Variants in AXDND1 observed in about 807,000 individuals in gnomAD.
The protein encoded by AXDND1 is axonemal dynein light chain domain-containing protein 1.
AXDND1 carries 110 observed loss-of-function variants against 137.5 expected under a neutral mutation model. The observed-to-expected ratio is 0.80, with a 90% CI of 0.69 to 0.94. AXDND1 has a LOEUF of 0.94. Ranked by LOEUF, AXDND1 falls within the 40% of genes least tolerant of loss-of-function variation. AXDND1 has a pLI of 0.00. For missense variants in AXDND1, 1,191 were observed against 1,169.8 expected (o/e 1.02, Z -0.26); for synonymous variants, 414 against 399.7 (o/e 1.04, Z -0.43).
chr1:179,554,465 T>A (rs1304651303), intron 25 of AXDND1, 47 bp from the exon 26 acceptor site: 2 of 1,614,024 alleles, frequency 1.2e-6, no homozygotes, highest in Non-Finnish European at 1.7e-6. Context: ...GCTAGTTAAT[T>A]TCCTACCCAC....
intron 7 of AXDND1, among the ~76,000 whole-genome samples, 181 bp downstream of exon 7, chr1:179,382,937 A>G (rs756822173): frequency 6.6e-6 from 1 of 152,152 alleles, no homozygotes; most frequent in Non-Finnish European, 1.5e-5. Context: ...CAATGTTTAT[A>G]TATTTCATTT....
intron 16 of AXDND1, among the ~76,000 whole-genome samples, chr1:179,467,652 G>C (rs1045345088): frequency 6.6e-6 from 1 of 152,050 alleles, no homozygotes; most frequent in Non-Finnish European, 1.5e-5. Flanking sequence ...GTGTACAGTG[G>C]GCAGAGAAAA....
intron 20 of AXDND1, among the ~76,000 whole-genome samples, chr1:179,496,619 C>A (rs556304189): frequency 1.5e-4 from 23 of 151,992 alleles, no homozygotes; most frequent in African/African-American, 5.5e-4. Flanking sequence ...CAAAGATTGT[C>A]CAATTTTCTT....
intron 18 of AXDND1, among the ~76,000 whole-genome samples, chr1:179,484,840 A>G (rs1474733015): frequency 1.3e-5 from 2 of 152,196 alleles, no homozygotes; most frequent in Non-Finnish European, 2.9e-5. Context: ...GTATGCAAGG[A>G]GACCAGTGGC....
intron 25 of AXDND1, among the ~76,000 whole-genome samples, chr1:179,539,808 C>T (rs901829412): frequency 3.3e-5 from 5 of 152,154 alleles, no homozygotes; most frequent in East Asian, 1.9e-4. Flanking sequence ...CCATTCTCCC[C>T]GTCACTTTCG....
chr1:179,549,122 G>GA (rs899991086), intron 25 of AXDND1, among the ~76,000 whole-genome samples: 184 of 148,698 alleles, frequency 1.2e-3, no homozygotes, highest in Middle Eastern at 3.5e-3. Context: ...AAATTATCAG[G>GA]AAAAAAAAAA....
At chr1:179,387,249 T>C (rs1649364130) in intron 9 of AXDND1, among the ~76,000 whole-genome samples, 1 of 152,168 alleles carries the variant, frequency 6.6e-6, no homozygotes, top group African/African-American at 2.4e-5. Flanking sequence ...AGAGATTTAT[T>C]GGCTCACAGT....
chr1:179,464,754 A>G (rs934227097), intron 16 of AXDND1, among the ~76,000 whole-genome samples: 2 of 152,218 alleles, frequency 1.3e-5, no homozygotes, highest in Non-Finnish European at 2.9e-5. Context: ...AGATACACCA[A>G]TAGACGTAGA....
In AXDND1 at chr1:179,378,700, T is replaced by G. The variant is rs1178630453; in HGVS notation, c.438T>G (p.Cys146Trp). ...AKGQTREKAV[C>W]PPHLARSLQS... ...GACAGACTAGGGAGAAGGCAGTTTG[T>G]CCCCCACATTTGGCCCGTTCATTAC... The change falls in exon 5 of 26, where the codon TGT becomes TGG. Residue 146 changes from cysteine (C) to tryptophan (W), a missense_variant. Cys to Trp is a radical substitution (Grantham distance 215, BLOSUM62 -2). Coordinates refer to ENST00000367618, the MANE Select transcript of AXDND1 (RefSeq NM_144696.6). The G allele has an allele frequency of 6.3e-7, 1 of 1,597,620 alleles. No homozygotes were observed. The highest frequency in any genetic ancestry group is 1.7e-5 in the Admixed American group (1 of 59,138).
In AXDND1 at chr1:179,379,383, T is replaced by G. The variant is rs1289936066; in HGVS notation, c.496-14T>G. On this transcript the variant is annotated splice_polypyrimidine_tract_variant and intron_variant, in intron 5 of 25. Transcript: ENST00000367618. ...TATATTCATTCTTTTATTTTGCTTTTCTTTTCTTTTAAGCCAAAGACACTA... is the reference window on the plus strand; with the variant it reads ...TATATTCATTCTTTTATTTTGCTTTGCTTTTCTTTTAAGCCAAAGACACTA... The G allele has an allele frequency of 4.3e-6, 7 of 1,610,906 alleles. No individual in the cohort carries two copies. Among genetic ancestry groups the G allele is most frequent in the South Asian group, 1.1e-5 (1 of 90,734 alleles).
At chr1:179,488,634 C>CTTTTCTTTCTTTCTTTCTTTTT (rs376189496) in intron 18 of AXDND1, among the ~76,000 whole-genome samples, 1 of 105,172 alleles carries the variant, frequency 9.5e-6, no homozygotes, top group Non-Finnish European at 2.0e-5. Context: ...CTCTCTCTCT[C>CTTTTCTTTCTTTCTTTCTTTTT]CTTTCTTTCT....
intron 12 of AXDND1, among the ~76,000 whole-genome samples, chr1:179,420,405 T>C (rs1394311274): frequency 6.6e-6 from 1 of 152,126 alleles, no homozygotes; most frequent in Admixed American, 6.5e-5. Context: ...GTAGTTTTCT[T>C]TTTTTTGTTG....
chr1:179,406,245 A>C (rs1240062949), intron 11 of AXDND1, among the ~76,000 whole-genome samples: 1 of 152,186 alleles, frequency 6.6e-6, no homozygotes, highest in Non-Finnish European at 1.5e-5. Flanking sequence ...CAATTTTTAA[A>C]TATGTATTGA....
At chr1:179,543,355 GGAGAAGTTA>G (rs1238233652) in intron 25 of AXDND1, 2 of 152,166 alleles carry the variant, frequency 1.3e-5, no homozygotes, top group African/African-American at 4.8e-5. Context: ...AGTTGGGTGT[GGAGAAGTTA>G]CACTAACAGT....
chr1:179,391,412 GT>G (rs2125127484), intron 9 of AXDND1, among the ~76,000 whole-genome samples: 1 of 152,144 alleles, frequency 6.6e-6, no homozygotes, highest in East Asian at 1.9e-4. Context: ...ATCCCCACAT[GT>G]TGTGGAAGGG....
chr1:179,388,926 C>T (rs1377419533), intron 9 of AXDND1, among the ~76,000 whole-genome samples: 5 of 149,356 alleles, frequency 3.3e-5, no homozygotes, highest in Non-Finnish European at 4.5e-5. Context: ...TTTGTTTCCA[C>T]GTTTGTCTCA....
In AXDND1 at chr1:179,366,381, AATC is replaced by A; in HGVS notation, c.-106-22_-106-20del. The stretch of plus-strand genomic sequence containing the variant: ...GTTGTCATCTTTTTTTTTTTTTTTA[AATC>A]TTTTTTCCTCTGCCTGCAGGACTAT... On this transcript the variant is annotated intron_variant, in intron 1 of 25. Transcript: ENST00000367618. 1 of 584,466 alleles carries A rather than the reference AATC, an allele frequency of 1.7e-6. No individual in the cohort carries two copies. The highest frequency in any genetic ancestry group is 2.9e-6 in the Non-Finnish European group (1 of 346,740). The allele number at this position is 584,466 out of a possible 1,614,324, so 36.2% of individuals were successfully genotyped here. A position where few individuals can be genotyped will look rare whatever the true frequency, so the allele number is the denominator to read the frequency against.
intron 16 of AXDND1, chr1:179,454,690 G>A (rs1661043572): frequency 6.6e-6 from 1 of 152,122 alleles, no homozygotes; most frequent in Non-Finnish European, 1.5e-5. Context: ...TATGGGGAAG[G>A]GAGATTGTGT....
intron 4 of AXDND1, among the ~76,000 whole-genome samples, chr1:179,372,675 C>T (rs59334094): frequency 6.6e-6 from 1 of 151,860 alleles, no homozygotes; most frequent in East Asian, 1.9e-4. Flanking sequence ...AAACATATCT[C>T]TAATTATTAT....
Sources: allele counts gnomAD v4.1 joint callset (sites outside exome capture counted in the v4.1 genomes callset), GRCh38; gene constraint gnomAD v4.1.1; transcripts MANE v1.5; gene names NCBI Gene and HGNC (gene_info 2026-07-23, HGNC 2026-07-21).